The following SEMA5B variants were observed in gnomAD, a reference collection of about 807,000 sequenced individuals.
SEMA5B encodes the protein semaphorin-5B.
A neutral mutation model predicts 135.0 loss-of-function variants in SEMA5B; 66 were observed. That is an observed-to-expected ratio of 0.49 (90% CI 0.40 to 0.60). SEMA5B has a LOEUF of 0.60. SEMA5B is among the 20% of genes least tolerant of loss of function. The pLI is 0.00. For synonymous variants in SEMA5B, 690 were observed against 639.5 expected (o/e 1.08, Z -1.19); for missense variants, 1,501 against 1,566.3 (o/e 0.96, Z 0.70).
chr3:123,024,664 G>A (rs780199087), intron 1 of SEMA5B, among the ~76,000 whole-genome samples: 1 of 152,152 alleles, frequency 6.6e-6, no homozygotes, highest in Non-Finnish European at 1.5e-5. Flanking sequence ...GGTGAGCCAA[G>A]GGCCCAACAG....
In SEMA5B at chr3:122,915,904, G is replaced by A. The variant is rs376064897; in HGVS notation, c.1689-14C>T. On this transcript the variant is annotated splice_polypyrimidine_tract_variant and intron_variant, in intron 12 of 22. Coordinates refer to ENST00000357599, the MANE Select transcript of SEMA5B (RefSeq NM_001031702.4). The stretch of plus-strand genomic sequence containing the variant: ...CCCAGGCATGCCCTGCCAGACAGAC[G>A]TCCTGAGATTCAAGCCCACTGGCTT... The A allele has an allele frequency of 4.0e-5, 65 of 1,608,400 alleles. No individual in the cohort carries two copies. The highest frequency in any genetic ancestry group is 1.1e-4 in the East Asian group (5 of 44,864).
chr3:122,926,272 T>A, intron 9 of SEMA5B, 120 bp downstream of exon 9: 2 of 987,626 alleles, frequency 2.0e-6, no homozygotes, highest in Non-Finnish European at 3.0e-6. Context: ...CACAAAATCC[T>A]CAGATGACCC....
intron 1 of SEMA5B, among the ~76,000 whole-genome samples, chr3:123,015,685 A>C (rs180985812): frequency 6.6e-6 from 1 of 152,282 alleles, no homozygotes; most frequent in East Asian, 1.9e-4. Flanking sequence ...CAGAGAAATA[A>C]AATAATTATA....
Position 122,961,280 on chromosome 3 carries a change from A to G in SEMA5B, c.-17T>C. On this transcript the variant is annotated 5_prime_UTR_variant, in exon 2 of 23. Coordinates refer to ENST00000357599, the MANE Select transcript of SEMA5B (RefSeq NM_001031702.4). ...ACAGGGCATCCAAGAGACACAGGCC[A>G]GGCACCAGCTGGAACCACTCACTGA... 6.2e-7 allele frequency: 1 copy of G among 1,613,964 alleles called. No individual in the cohort carries two copies. The highest frequency in any genetic ancestry group is 8.5e-7 in the Non-Finnish European group (1 of 1,179,876).
rs762083851 is a variant in SEMA5B at position 122,912,033 on chromosome 3, G to C, written c.2933C>G (p.Thr978Ser). 2 of 1,613,698 alleles carry C rather than the reference G, an allele frequency of 1.2e-6. No individual in the cohort carries two copies. The highest frequency in any genetic ancestry group is 1.7e-6 in the Non-Finnish European group (2 of 1,179,832). The change falls in exon 20 of 23, where the codon ACT becomes AGT. Residue 978 changes from threonine to serine, a missense_variant. By Grantham distance (58) the Thr-to-Ser change is moderately conservative (BLOSUM62 1). Coordinates refer to ENST00000357599, the MANE Select transcript of SEMA5B (RefSeq NM_001031702.4). The part of the protein sequence containing the change: ...WSPWSEWSKC[T>S]DDGAQSRSRH... ...GCTTCGGCTCTGGGCTCCGTCGTCA[G>C]TGCACTTACTCCACTCAGACCAGGG... is the stretch of plus-strand genomic sequence containing the variant.
rs748424971 is a variant in SEMA5B, at chr3:122,913,419, G to C, written c.2286C>G (p.Phe762Leu). The change falls in exon 17 of 23, where the codon TTC becomes TTG. Residue 762 changes from phenylalanine to leucine, a missense_variant. By Grantham distance (22) the Phe-to-Leu change is conservative. Transcript: ENST00000357599. Reference protein sequence around the residue: ...GNSCLGCGVEFKTCNPEGCPE... With the variant: ...GNSCLGCGVELKTCNPEGCPE... Reference sequence around the variant, plus strand: ...GGCAGCCCTCGGGGTTGCACGTCTTGAACTCCTGCGGGTGGCGGCAGAGGC... The same window carrying C: ...GGCAGCCCTCGGGGTTGCACGTCTTCAACTCCTGCGGGTGGCGGCAGAGGC... 4 of 1,568,498 alleles carry C rather than the reference G, an allele frequency of 2.6e-6. No homozygotes were observed. In the African/African-American group the frequency reaches 5.4e-5, roughly 21 times the overall value.
chr3:123,008,116 C>G (rs72972442), intron 1 of SEMA5B, among the ~76,000 whole-genome samples: 2 of 152,306 alleles, frequency 1.3e-5, no homozygotes, highest in East Asian at 3.9e-4. Flanking sequence ...TCTGTTATGT[C>G]GAGACAGAAC....
At chr3:122,960,435 A>G (rs562615232) in intron 2 of SEMA5B, among the ~76,000 whole-genome samples, 20 of 152,366 alleles carry the variant, frequency 1.3e-4, no homozygotes, top group African/African-American at 4.8e-4. Flanking sequence ...AAAATTAAAT[A>G]TAGAATTACC....
intron 1 of SEMA5B, among the ~76,000 whole-genome samples, chr3:123,026,580 C>G (rs546372735): frequency 1.1e-4 from 17 of 152,178 alleles, no homozygotes; most frequent in South Asian, 2.1e-4. Context: ...CTTCCTCCGC[C>G]GGTCCGGCGA....
intron 5 of SEMA5B, among the ~76,000 whole-genome samples, chr3:122,930,520 A>G (rs1172436388): frequency 6.6e-6 from 1 of 152,236 alleles, no homozygotes; most frequent in East Asian, 1.9e-4. Context: ...GACAGAAAAG[A>G]GCAACGAGCC....
At chr3:122,963,122 T>C (rs1940659011) in intron 1 of SEMA5B, among the ~76,000 whole-genome samples, 1 of 152,192 alleles carries the variant, frequency 6.6e-6, no homozygotes, top group Non-Finnish European at 1.5e-5. Context: ...GGGCTATTGC[T>C]TACCTAGCAG....
intron 1 of SEMA5B, among the ~76,000 whole-genome samples, chr3:122,966,540 T>TTATTATTAC (rs1264721067): frequency 3.7e-5 from 1 of 26,982 alleles, no homozygotes; most frequent in African/African-American, 1.0e-4. Context: ...AGAATGTTTA[T>TTATTATTAC]TATTATTATT....
chr3:122,957,253 G>T (rs1940365673), intron 2 of SEMA5B, among the ~76,000 whole-genome samples: 1 of 152,204 alleles, frequency 6.6e-6, no homozygotes, highest in East Asian at 1.9e-4. Context: ...GTGGATTAGA[G>T]CAGGCCATTT....
At chr3:122,915,708 G>T in intron 13 of SEMA5B, 65 bp downstream of exon 13, 1 of 1,602,650 alleles carries the variant, frequency 6.2e-7, no homozygotes. Flanking sequence ...GGGGAATATT[G>T]GTGGGGAGTC....
At chr3:122,978,055 G>A (rs1280976392) in intron 1 of SEMA5B, among the ~76,000 whole-genome samples, 4 of 152,022 alleles carry the variant, frequency 2.6e-5, no homozygotes, top group Non-Finnish European at 5.9e-5. Context: ...TGGCAGATGC[G>A]GAACCAGCCA....
chr3:122,923,940 C>A (rs1228337041), intron 9 of SEMA5B, among the ~76,000 whole-genome samples, 188 bp from the exon 10 acceptor site: 1 of 152,102 alleles, frequency 6.6e-6, no homozygotes, highest in Admixed American at 6.5e-5. Flanking sequence ...CTGGGAACGA[C>A]CCACTGACAA....
chr3:123,010,430 A>G (rs1942412213), intron 1 of SEMA5B, among the ~76,000 whole-genome samples: 1 of 152,204 alleles, frequency 6.6e-6, no homozygotes, highest in Non-Finnish European at 1.5e-5. Flanking sequence ...AGTGTCTGGC[A>G]TGGAGTTCAG....
intron 1 of SEMA5B, among the ~76,000 whole-genome samples, chr3:122,967,603 C>T (rs1182723744): frequency 6.6e-6 from 1 of 152,132 alleles, no homozygotes; most frequent in Non-Finnish European, 1.5e-5. Context: ...AGCCCAGCCC[C>T]CACATCTCCA....
Position 122,947,108 on chromosome 3 carries a change from C to T in SEMA5B, c.328+1398G>A, listed in dbSNP as rs573498656. Among the ~76,000 whole-genome samples the T allele has an allele frequency of 7.2e-5, 11 of 152,194 alleles. No homozygotes were observed. In the South Asian group the frequency reaches 2.3e-3, roughly 32 times the overall value. Reference sequence around the variant, plus strand: ...CTGGGAGGAAATGTTTCATTAGGAGCTGCCACAGAGGCCCCAGTGTGAGGA... The same window carrying T: ...CTGGGAGGAAATGTTTCATTAGGAGTTGCCACAGAGGCCCCAGTGTGAGGA... On this transcript the variant is annotated intron_variant, in intron 3 of 22. Coordinates refer to ENST00000357599, the MANE Select transcript of SEMA5B (RefSeq NM_001031702.4).
Sources: allele counts gnomAD v4.1 joint callset (sites outside exome capture counted in the v4.1 genomes callset), GRCh38; gene constraint gnomAD v4.1.1; transcripts MANE v1.5; gene names NCBI Gene and HGNC (gene_info 2026-07-23, HGNC 2026-07-21).